SPON1: variants seen among roughly 807,000 people sequenced by gnomAD.
SPON1 encodes the protein spondin-1.
A neutral mutation model predicts 111.7 loss-of-function variants in SPON1; 52 were observed. That is an observed-to-expected ratio of 0.47 (90% CI 0.37 to 0.59). The LOEUF (loss-of-function observed/expected upper bound fraction) is 0.59. Among genes scored for constraint, SPON1 ranks in the 20% least tolerant of loss-of-function variants. The pLI is 0.00. For synonymous variants in SPON1, 410 were observed against 395.8 expected, an observed-to-expected ratio of 1.04 and a Z score of -0.43; for missense variants, 957 against 1,068.5, an observed-to-expected ratio of 0.90 and a Z score of 1.46.
intron 3 of SPON1, among the ~76,000 whole-genome samples, chr11:14,064,733 GTGA>G (rs1848819211): frequency 6.6e-6 from 1 of 152,096 alleles, no homozygotes; most frequent in Non-Finnish European, 1.5e-5. Context: ...TAATGAAGAG[GTGA>G]TGATCAGTCC....
chr11:13,981,479 A>G (rs1299963381), intron 1 of SPON1, among the ~76,000 whole-genome samples: 2 of 152,170 alleles, frequency 1.3e-5, no homozygotes, highest in Non-Finnish European at 2.9e-5. Context: ...GGTGCCTACC[A>G]CCACGCCTGG....
intron 5 of SPON1, among the ~76,000 whole-genome samples, chr11:14,130,435 T>C (rs1847515522): frequency 6.6e-6 from 1 of 152,214 alleles, no homozygotes; most frequent in African/African-American, 2.4e-5. Flanking sequence ...TGTATTAGGC[T>C]GATATGGTTT....
At chr11:14,262,477 T>C in intron 14 of SPON1, 2 of 581,852 alleles carry the variant, frequency 3.4e-6, no homozygotes, top group Non-Finnish European at 3.0e-6. Context: ...TCTTGAGTCA[T>C]AGAGGGAGCA....
At chr11:14,025,433 G>C (rs1848510499) in intron 2 of SPON1, among the ~76,000 whole-genome samples, 1 of 152,216 alleles carries the variant, frequency 6.6e-6, no homozygotes, top group Non-Finnish European at 1.5e-5. Context: ...ACCAGCCCCT[G>C]CTTTCAGATA....
intron 5 of SPON1, among the ~76,000 whole-genome samples, chr11:14,110,252 A>G (rs1050665939): frequency 3.1e-4 from 47 of 152,042 alleles, no homozygotes; most frequent in African/African-American, 1.1e-3. Context: ...CAGCCACCCC[A>G]TCTCCTTATG....
chr11:13,963,276 CCTGG>C (rs1413054893), intron 1 of SPON1, 134 bp downstream of exon 1: 1 of 617,140 alleles, frequency 1.6e-6, no homozygotes, highest in African/African-American at 2.0e-5. Flanking sequence ...GCCCTTCTGT[CCTGG>C]CTGCCCTCGG....
intron 5 of SPON1, among the ~76,000 whole-genome samples, chr11:14,127,386 C>T (rs1344788676): frequency 6.6e-6 from 1 of 151,966 alleles, no homozygotes; most frequent in East Asian, 1.9e-4. Flanking sequence ...TTGTCTCACA[C>T]TCCTGGCCCC....
intron 3 of SPON1, among the ~76,000 whole-genome samples, chr11:14,042,374 A>G (rs1340789674): frequency 6.8e-6 from 1 of 147,092 alleles, no homozygotes; most frequent in East Asian, 2.1e-4. Context: ...AGCATAATGA[A>G]GGTTTTGCAA....
chr11:14,125,730 G>A (rs1475314548), intron 5 of SPON1, among the ~76,000 whole-genome samples: 9 of 152,324 alleles, frequency 5.9e-5, no homozygotes, highest in African/African-American at 1.9e-4. Context: ...ATTAGTCAGG[G>A]TTCTCCTAAG....
chr11:14,195,156 C>A (rs1848387182), intron 6 of SPON1, among the ~76,000 whole-genome samples: 4 of 152,186 alleles, frequency 2.6e-5, no homozygotes. Context: ...TCTTAAAAAT[C>A]TCAAAAATAG....
chr11:14,069,748 A>G (rs1291531936), intron 3 of SPON1, among the ~76,000 whole-genome samples: 2 of 152,012 alleles, frequency 1.3e-5, no homozygotes, highest in African/African-American at 4.8e-5. Context: ...AGCTACTGGA[A>G]TTGCTTTTTT....
intron 2 of SPON1, among the ~76,000 whole-genome samples, chr11:14,008,321 T>A (rs1848379460): frequency 1.3e-5 from 2 of 152,038 alleles, no homozygotes. Context: ...AAGGAATGAT[T>A]GTATTTCGCG....
At chr11:14,246,706 T>C (rs1300304114) in intron 7 of SPON1, among the ~76,000 whole-genome samples, 3 of 152,304 alleles carry the variant, frequency 2.0e-5, no homozygotes, top group East Asian at 3.9e-4. Flanking sequence ...TGAAAGGTGC[T>C]TAGGGCAACT....
intron 4 of SPON1, among the ~76,000 whole-genome samples, chr11:14,077,984 T>C (rs1340176103): frequency 6.6e-6 from 1 of 151,976 alleles, no homozygotes; most frequent in East Asian, 1.9e-4. Context: ...CAAGTAGAAA[T>C]GGGGAGAGAG....
intron 6 of SPON1, among the ~76,000 whole-genome samples, chr11:14,207,341 T>C (rs1848528419): frequency 6.6e-6 from 1 of 152,114 alleles, no homozygotes; most frequent in Admixed American, 6.5e-5. Flanking sequence ...CCAAAAGCAA[T>C]TGCAACAAAA....
intron 2 of SPON1, among the ~76,000 whole-genome samples, chr11:13,986,349 C>A (rs1306044169): frequency 6.6e-6 from 1 of 152,168 alleles, no homozygotes; most frequent in Non-Finnish European, 1.5e-5. Context: ...GGCTTAACAA[C>A]AACCACAAAA....
chr11:14,127,036 G>T (rs1847467781), intron 5 of SPON1, among the ~76,000 whole-genome samples: 1 of 151,962 alleles, frequency 6.6e-6, no homozygotes, highest in South Asian at 2.1e-4. Context: ...GATTCTCTTT[G>T]GTTACCATGC....
Position 14,081,408 on chromosome 11 carries a change from A to G in SPON1, c.676+1387A>G, listed in dbSNP as rs182030049. ...CTTACTGTGAACCAAGCATTTCTAC[A>G]TATGTTATAGTGTTTAATCCTCAAA... On this transcript the variant is annotated intron_variant, in intron 5 of 15. Transcript: ENST00000576479. 1.1e-4 allele frequency among the ~76,000 whole-genome samples: 16 copies of G among 152,314 alleles called. No homozygotes were observed. In the East Asian group the frequency reaches 2.9e-3, roughly 28 times the overall value.
chr11:14,169,537 C>G (rs1554932207), intron 6 of SPON1, among the ~76,000 whole-genome samples: 1 of 151,486 alleles, frequency 6.6e-6, no homozygotes, highest in South Asian at 2.1e-4. Context: ...CTTTTGTTGC[C>G]ATTGCTTTTG....
Sources: allele counts gnomAD v4.1 joint callset (sites outside exome capture counted in the v4.1 genomes callset), GRCh38; gene constraint gnomAD v4.1.1; transcripts MANE v1.5; gene names NCBI Gene and HGNC (gene_info 2026-07-23, HGNC 2026-07-21).